The following PIGN variants were observed in gnomAD, a reference collection of about 807,000 sequenced individuals.
PIGN encodes GPI ethanolamine phosphate transferase 1.
Under a neutral mutation model 125.4 loss-of-function variants are expected in PIGN, and 117 were observed. That is an observed-to-expected ratio of 0.93 (90% CI 0.80 to 1.09). The LOEUF (loss-of-function observed/expected upper bound fraction) is 1.09. PIGN is among the 50% of genes least tolerant of loss of function. PIGN has a pLI of 0.00. For missense variants in PIGN, 1,075 were observed against 1,094.9 expected (o/e 0.98, Z 0.26); for synonymous variants, 392 against 377.8 (o/e 1.04, Z -0.44).
chr18:62,076,544 T>G (rs1251206366), intron 28 of PIGN, among the ~76,000 whole-genome samples: 1 of 152,182 alleles, frequency 6.6e-6, no homozygotes, highest in Non-Finnish European at 1.5e-5. Context: ...GGGTTACAAT[T>G]TTGATGTCAA....
In PIGN at chr18:62,044,294, CTACACA is replaced by C. The variant is rs2030505522; in HGVS notation, c.*1556_*1561del. 6.6e-6 allele frequency: 1 copy of C among 152,110 alleles called. No homozygotes were observed. Among genetic ancestry groups the C allele is most frequent in the African/African-American group, 2.4e-5 (1 of 41,418 alleles). The allele number at this position is 152,110 out of a possible 1,614,324, so 9.4% of individuals were successfully genotyped here. Reference sequence around the variant, plus strand: ...ATTTGGGAAAAGATAAAAGGCAAAACTACACATAGAAAAAGGTCAGTGATAAGTGTT... The same window carrying C: ...ATTTGGGAAAAGATAAAAGGCAAAACTAGAAAAAGGTCAGTGATAAGTGTT... On this transcript the variant is annotated 3_prime_UTR_variant, in exon 31 of 31. Coordinates refer to ENST00000640252, the MANE Select transcript of PIGN (RefSeq NM_176787.5).
intron 8 of PIGN, 24 bp from the exon 9 acceptor site, chr18:62,147,125 C>G (rs1399723158): frequency 1.3e-6 from 2 of 1,568,640 alleles, no homozygotes; most frequent in Non-Finnish European, 1.7e-6. Context: ...AACAGAGGAA[C>G]AAATTAAATT....
In PIGN at chr18:62,128,010, A is replaced by G. The variant is rs895586919; in HGVS notation, c.1172+10233T>C. Among the ~76,000 whole-genome samples the G allele has an allele frequency of 4.6e-5, 7 of 152,138 alleles. No homozygotes were observed. The South Asian group carries it at 1.4e-3, about 32-fold the overall frequency. Reference sequence around the variant, plus strand: ...AAACATACCAACAAACTTATGAAAAATCCTTATGAAATTTTCTAACTCTTG... The same window carrying G: ...AAACATACCAACAAACTTATGAAAAGTCCTTATGAAATTTTCTAACTCTTG... On this transcript the variant is annotated intron_variant, in intron 14 of 30. Transcript: ENST00000640252.
chr18:62,072,729 T>TAAAAA lies in PIGN; in HGVS notation c.2620-9_2620-5dup. ...CCTTGACCAAGAAGAAAAAATGCTG[T>TAAAAA]AAAAAAAAAAAAAGGCTTAATGAAA... On this transcript the variant is annotated splice_polypyrimidine_tract_variant and splice_region_variant and intron_variant, in intron 29 of 30. Transcript: ENST00000640252. The TAAAAA allele has an allele frequency of 4.9e-6, 7 of 1,425,022 alleles. No individual in the cohort carries two copies. Among genetic ancestry groups the TAAAAA allele is most frequent in the South Asian group, 1.3e-5 (1 of 75,006 alleles). The allele number at this position is 1,425,022 out of a possible 1,614,324, so 88.3% of individuals were successfully genotyped here.
intron 28 of PIGN, among the ~76,000 whole-genome samples, chr18:62,077,061 T>C (rs1271211981): frequency 6.6e-6 from 1 of 152,172 alleles, no homozygotes; most frequent in African/African-American, 2.4e-5. Flanking sequence ...TCTTCTGGAA[T>C]AGAAAAATAA....
chr18:62,029,971 G>T (rs1381066532), intron 23 of PIGN, among the ~76,000 whole-genome samples: 1 of 152,134 alleles, frequency 6.6e-6, no homozygotes, highest in East Asian at 1.9e-4. Flanking sequence ...AGAAGATCCA[G>T]GGGATGGATT....
At chr18:62,177,165 AT>A (rs1479307180) in intron 1 of PIGN, among the ~76,000 whole-genome samples, 1 of 152,166 alleles carries the variant, frequency 6.6e-6, no homozygotes. Flanking sequence ...TGAATTAAAG[AT>A]GGTGTCCCAT....
chr18:62,049,833 G>A (rs1432322428), intron 30 of PIGN, among the ~76,000 whole-genome samples: 2 of 151,260 alleles, frequency 1.3e-5, no homozygotes, highest in African/African-American at 4.9e-5. Context: ...ATGGTTTTAG[G>A]TCTAACATTT....
chr18:62,072,566 T>C, intron 30 of PIGN, 107 bp downstream of exon 30: 1 of 838,676 alleles, frequency 1.2e-6, no homozygotes, highest in Non-Finnish European at 1.9e-6. Flanking sequence ...CATCTAGGTT[T>C]GTGTGAATAT....
chr18:62,182,347 C>T (rs989400653), intron 1 of PIGN, among the ~76,000 whole-genome samples: 14 of 152,250 alleles, frequency 9.2e-5, no homozygotes, highest in African/African-American at 3.4e-4. Context: ...AGGTTTAAAA[C>T]CAAATTCATA....
intron 12 of PIGN, 58 bp from the exon 13 acceptor site, chr18:62,139,133 T>A: frequency 1.9e-6 from 2 of 1,037,018 alleles, no homozygotes; most frequent in Non-Finnish European, 2.9e-6. Flanking sequence ...GCTATCCTTA[T>A]AAAACAAAAC....
At chr18:62,115,169 T>C (rs751548884) in intron 14 of PIGN, among the ~76,000 whole-genome samples, 2 of 152,204 alleles carry the variant, frequency 1.3e-5, no homozygotes, top group Non-Finnish European at 2.9e-5. Flanking sequence ...CTATATCATA[T>C]ACCTTCTTCG....
chr18:62,048,859 TA>T (rs2030984463), intron 30 of PIGN, among the ~76,000 whole-genome samples: 1 of 109,674 alleles, frequency 9.1e-6, no homozygotes, highest in African/African-American at 3.8e-5. Context: ...CCCCTCCCCC[TA>T]CCCCACAACA....
intron 14 of PIGN, among the ~76,000 whole-genome samples, chr18:62,116,943 GA>G (rs944331390): frequency 6.6e-6 from 1 of 151,892 alleles, no homozygotes; most frequent in Non-Finnish European, 1.5e-5. Flanking sequence ...AAGAATAAGA[GA>G]AAAAAATTCT....
chr18:62,100,075 G>C (rs1265229592), intron 22 of PIGN, among the ~76,000 whole-genome samples: 3 of 152,018 alleles, frequency 2.0e-5, no homozygotes, highest in Non-Finnish European at 4.4e-5. Context: ...ATCTGACAAG[G>C]AATTAATAAC....
chr18:62,024,531 T>C (rs537833063), intron 23 of PIGN, among the ~76,000 whole-genome samples: 55 of 152,336 alleles, frequency 3.6e-4, no homozygotes, highest in African/African-American at 1.3e-3. Flanking sequence ...TTTCCTCCTC[T>C]CTATAGTCCT....
At chr18:62,029,517 A>G (rs2030165723) in intron 23 of PIGN, among the ~76,000 whole-genome samples, 1 of 152,180 alleles carries the variant, frequency 6.6e-6, no homozygotes, top group African/African-American at 2.4e-5. Context: ...ATATATTTGC[A>G]TTGTCAACAG....
chr18:62,022,423 C>G (rs676286), intron 23 of PIGN, among the ~76,000 whole-genome samples: 35,873 of 152,140 alleles, frequency 0.24, 4,478 homozygotes, highest in Middle Eastern at 0.37. Context: ...TTTGTCAAGC[C>G]ACACCTATAA....
At chr18:62,089,768 A>G (rs192138491) in intron 24 of PIGN, among the ~76,000 whole-genome samples, 2 of 152,284 alleles carry the variant, frequency 1.3e-5, no homozygotes, top group East Asian at 3.9e-4. Flanking sequence ...ATAACGATGG[A>G]TCAACTATGA....
Sources: allele counts gnomAD v4.1 joint callset (sites outside exome capture counted in the v4.1 genomes callset), GRCh38; gene constraint gnomAD v4.1.1; transcripts MANE v1.5; gene names NCBI Gene and HGNC (gene_info 2026-07-23, HGNC 2026-07-21).